The following ELAC1 variants were observed in gnomAD, a reference collection of about 807,000 sequenced individuals.
The protein encoded by ELAC1 is elaC ribonuclease Z 1, also known as zinc phosphodiesterase ELAC protein 1.
ELAC1 carries 19 observed loss-of-function variants against 25.8 expected under a neutral mutation model. The observed-to-expected ratio is 0.74, with a 90% CI of 0.51 to 1.08. The LOEUF (loss-of-function observed/expected upper bound fraction) is 1.08. Ranked by LOEUF, ELAC1 falls within the 50% of genes least tolerant of loss-of-function variation. The pLI, the probability that ELAC1 is intolerant of heterozygous loss-of-function variation, is 0.00. For synonymous variants in ELAC1, 148 were observed against 160.9 expected, an observed-to-expected ratio of 0.92 and a Z score of 0.61; for missense variants, 403 against 434.6, an observed-to-expected ratio of 0.93 and a Z score of 0.65.
At chr18:50,980,118 A>G (rs1222565990) in intron 2 of ELAC1, among the ~76,000 whole-genome samples, 1 of 152,058 alleles carries the variant, frequency 6.6e-6, no homozygotes, top group African/African-American at 2.4e-5. Flanking sequence ...CAGGAAGATC[A>G]CTTGAGGCCA....
At chr18:50,974,735 C>A (rs1907758530) in intron 2 of ELAC1, among the ~76,000 whole-genome samples, 174 bp downstream of exon 2, 1 of 152,198 alleles carries the variant, frequency 6.6e-6, no homozygotes, top group Admixed American at 6.5e-5. Flanking sequence ...CACTGAACTT[C>A]ATTTACTTAT....
At position 50,987,135 on chromosome 18, in the gene ELAC1, AC is replaced by A. The variant is rs1459006877; in HGVS notation, c.*52del. ...GACATGTCTGTGAATATGTTACTGA[AC>A]CTATAGTCCAGTTTTTTTATTTCTT... On this transcript the variant is annotated 3_prime_UTR_variant, in exon 4 of 4. Transcript: ENST00000269466. 4 of 1,311,006 alleles carry A rather than the reference AC, an allele frequency of 3.1e-6. No homozygotes were observed. The highest frequency in any genetic ancestry group is 4.1e-6 in the Non-Finnish European group (4 of 969,922). 81.2% of individuals were successfully genotyped at this position (1,311,006 alleles called of 1,614,324 possible).
chr18:50,980,792 C>G (rs1053773004), intron 2 of ELAC1, among the ~76,000 whole-genome samples: 1 of 148,104 alleles, frequency 6.8e-6, no homozygotes, highest in Non-Finnish European at 1.5e-5. Context: ...AGAAAAATTT[C>G]TGGCCGTAGA....
At chr18:50,983,951 A>G in intron 2 of ELAC1, 145 bp from the exon 3 acceptor site, 3 of 514,070 alleles carry the variant, frequency 5.8e-6, no homozygotes. Context: ...CAAAATGTAA[A>G]TGAATAAGTT....
chr18:50,984,044 G>T, intron 2 of ELAC1, 52 bp from the exon 3 acceptor site: 1 of 1,283,956 alleles, frequency 7.8e-7, no homozygotes, highest in Non-Finnish European at 1.1e-6. Flanking sequence ...CTTTGTATGG[G>T]TTTTTAGTTA....
At chr18:50,972,831 G>T (rs1907701795) in intron 1 of ELAC1, among the ~76,000 whole-genome samples, 1 of 152,152 alleles carries the variant, frequency 6.6e-6, no homozygotes, top group South Asian at 2.1e-4. Flanking sequence ...TTAATACCTA[G>T]AAAAGCAGGT....
chr18:50,973,377 C>T (rs1907713281), intron 1 of ELAC1, among the ~76,000 whole-genome samples: 1 of 152,062 alleles, frequency 6.6e-6, no homozygotes, highest in Admixed American at 6.6e-5. Context: ...GTCAGATGTA[C>T]CTAGAAATAG....
Position 50,987,291 on chromosome 18 carries a change from A to G in ELAC1, c.*206A>G. 2.4e-6 allele frequency: 1 copy of G among 413,424 alleles called. No homozygotes were observed. The highest frequency in any genetic ancestry group is 4.3e-6 in the Non-Finnish European group (1 of 235,218). 25.6% of individuals were successfully genotyped at this position (413,424 alleles called of 1,614,324 possible). ...CTTTTTAAGAGAAAAAAAACCCAGCATCCTTTTTGAAGTCCAGATTTGTCA... is the reference window on the plus strand; with the variant it reads ...CTTTTTAAGAGAAAAAAAACCCAGCGTCCTTTTTGAAGTCCAGATTTGTCA... On this transcript the variant is annotated 3_prime_UTR_variant, in exon 4 of 4. Coordinates refer to ENST00000269466, the MANE Select transcript of ELAC1 (RefSeq NM_018696.3).
At position 50,988,000 on chromosome 18, in the gene ELAC1, A is replaced by G. The variant is rs996517939; in HGVS notation, c.*915A>G. On this transcript the variant is annotated 3_prime_UTR_variant, in exon 4 of 4. Transcript: ENST00000269466. ...TGTTAGAATTGCAGTGTCATACCAA[A>G]TAACATTCAAAAGAAATGAGCCATT... The G allele has an allele frequency of 6.6e-6, 1 of 152,248 alleles. No homozygotes were observed. The highest frequency in any genetic ancestry group is 2.4e-5 in the African/African-American group (1 of 41,468). The allele number at this position is 152,248 out of a possible 1,614,324, so 9.4% of individuals were successfully genotyped here.
At chr18:50,980,776 A>G (rs1599148382) in intron 2 of ELAC1, among the ~76,000 whole-genome samples, 1 of 151,776 alleles carries the variant, frequency 6.6e-6, no homozygotes, top group South Asian at 2.1e-4. Flanking sequence ...AAAAAAAAAA[A>G]AAAAAAGAAA....
intron 1 of ELAC1, among the ~76,000 whole-genome samples, chr18:50,973,228 C>A (rs752905466): frequency 8.5e-5 from 13 of 152,172 alleles, no homozygotes; most frequent in Non-Finnish European, 1.6e-4. Flanking sequence ...AATTCTCTTA[C>A]AGTAGTTTTT....
chr18:50,984,722 G>T, intron 3 of ELAC1, 159 bp downstream of exon 3: 2 of 622,592 alleles, frequency 3.2e-6, no homozygotes, highest in South Asian at 2.0e-5. Context: ...ACTTGAGTTC[G>T]GGAGTTCAAG....
At chr18:50,980,197 C>G (rs1007961419) in intron 2 of ELAC1, among the ~76,000 whole-genome samples, 3 of 151,928 alleles carry the variant, frequency 2.0e-5, no homozygotes, top group African/African-American at 7.3e-5. Context: ...CAGATGTGGT[C>G]CCAGTGGGAG....
intron 2 of ELAC1, among the ~76,000 whole-genome samples, chr18:50,977,409 CA>C (rs1907822196): frequency 6.6e-6 from 1 of 152,240 alleles, no homozygotes; most frequent in African/African-American, 2.4e-5. Flanking sequence ...GCAGGCCCAA[CA>C]CCACATCTAA....
At chr18:50,985,239 C>G (rs980120661) in intron 3 of ELAC1, among the ~76,000 whole-genome samples, 6 of 152,180 alleles carry the variant, frequency 3.9e-5, no homozygotes, top group African/African-American at 1.4e-4. Context: ...TTTTTGATGA[C>G]ATCTTCGGTC....
At chr18:50,968,425 C>G (rs1380698752) in intron 1 of ELAC1, 1 of 152,548 alleles carries the variant, frequency 6.6e-6, no homozygotes, top group African/African-American at 2.4e-5. Context: ...GGCCTCGGTT[C>G]TTTCAGCTCT....
intron 2 of ELAC1, among the ~76,000 whole-genome samples, chr18:50,979,970 G>A (rs893481572): frequency 3.9e-5 from 6 of 152,074 alleles, no homozygotes; most frequent in African/African-American, 1.4e-4. Flanking sequence ...AGCTCAGGCA[G>A]TCCACCCGCC....
chr18:50,983,252 C>G (rs750828900), intron 2 of ELAC1, among the ~76,000 whole-genome samples: 3 of 149,060 alleles, frequency 2.0e-5, no homozygotes, highest in Non-Finnish European at 3.0e-5. Context: ...ACCTCCGCCT[C>G]CTGGGTTCAA....
intron 3 of ELAC1, 59 bp downstream of exon 3, chr18:50,984,622 AC>A: frequency 3.2e-6 from 4 of 1,247,868 alleles, no homozygotes; most frequent in Non-Finnish European, 4.5e-6. Context: ...GCTCCTGTTG[AC>A]TGAAGCTATA....
Sources: allele counts gnomAD v4.1 joint callset (sites outside exome capture counted in the v4.1 genomes callset), GRCh38; gene constraint gnomAD v4.1.1; transcripts MANE v1.5; gene names NCBI Gene and HGNC (gene_info 2026-07-23, HGNC 2026-07-21).